The following PTCHD4 variants were observed in gnomAD, a reference collection of about 807,000 sequenced individuals.
PTCHD4 encodes the protein patched domain-containing protein 4.
PTCHD4 carries 33 observed loss-of-function variants against 58.1 expected under a neutral mutation model. That is an observed-to-expected ratio of 0.57 (90% CI 0.43 to 0.76). The LOEUF (loss-of-function observed/expected upper bound fraction) is 0.76, where lower values mean the gene tolerates loss of function less well. Among genes scored for constraint, PTCHD4 ranks in the 30% least tolerant of loss-of-function variants. The probability of loss-of-function intolerance (pLI) is 0.00; values close to 1 mark genes in which losing one functional copy is unlikely to be tolerated. For missense variants in PTCHD4, 1,058 were observed against 1,027.1 expected (o/e 1.03, Z -0.41); for synonymous variants, 478 against 409.6 (o/e 1.17, Z -2.02).
At chr6:48,110,043 G>C (rs1305022745) in intron 1 of PTCHD4, among the ~76,000 whole-genome samples, 5 of 152,084 alleles carry the variant, frequency 3.3e-5, no homozygotes, top group Non-Finnish European at 5.9e-5. Flanking sequence ...GTTTAACACA[G>C]CACGGAGGTT....
intron 4 of PTCHD4, among the ~76,000 whole-genome samples, chr6:47,885,267 AG>A (rs1032430892): frequency 5.9e-4 from 89 of 151,902 alleles, no homozygotes; most frequent in African/African-American, 2.1e-3. Context: ...AGAAATAATA[AG>A]GGGGTGTGTG....
chr6:48,013,560 G>A (rs931762357), intron 3 of PTCHD4, among the ~76,000 whole-genome samples: 4 of 151,780 alleles, frequency 2.6e-5, no homozygotes, highest in African/African-American at 7.3e-5. Context: ...GAAAGGAGGC[G>A]GGGATCTCAT....
chr6:47,960,717 G>A (rs1767051405), intron 4 of PTCHD4, among the ~76,000 whole-genome samples: 3 of 151,586 alleles, frequency 2.0e-5, no homozygotes. Flanking sequence ...CTAGTATTTA[G>A]AATTACTAAT....
Position 48,077,296 on chromosome 6 carries a change from C to T in PTCHD4, c.-969-7370G>A, listed in dbSNP as rs959881664. Among the ~76,000 whole-genome samples the T allele has an allele frequency of 3.9e-5, 6 of 152,248 alleles. No individual in the cohort carries two copies. The South Asian group carries it at 1.2e-3, about 31-fold the overall frequency. The stretch of plus-strand genomic sequence containing the variant: ...ATCTGCTCCTTATAAGAGAGTCCGC[C>T]TGTCCTTTGAAGCAGGACATTGACT... On this transcript the variant is annotated intron_variant, in intron 1 of 4. Transcript: ENST00000339488.
intron 1 of PTCHD4, among the ~76,000 whole-genome samples, chr6:48,079,614 T>C (rs1374816386): frequency 6.6e-6 from 1 of 150,598 alleles, no homozygotes; most frequent in Non-Finnish European, 1.5e-5. Flanking sequence ...ACAGAGAGAG[T>C]GTTCTAATCT....
chr6:47,905,062 C>CACACAT (rs1334932641), intron 4 of PTCHD4, among the ~76,000 whole-genome samples: 1 of 151,552 alleles, frequency 6.6e-6, no homozygotes, highest in Non-Finnish European at 1.5e-5. Context: ...CACACACACA[C>CACACAT]ACACACACAC....
At chr6:47,913,997 T>C (rs529506228) in intron 4 of PTCHD4, among the ~76,000 whole-genome samples, 2 of 152,172 alleles carry the variant, frequency 1.3e-5, no homozygotes, top group Admixed American at 1.3e-4. Context: ...AGTGTTAACA[T>C]AATAGTGATT....
intron 4 of PTCHD4, among the ~76,000 whole-genome samples, chr6:47,940,496 T>C (rs748881400): frequency 2.6e-5 from 4 of 152,178 alleles, no homozygotes; most frequent in Admixed American, 6.5e-5. Context: ...TTCCCCAGAG[T>C]CATTCAGCTG....
At chr6:48,104,207 T>C (rs1158550158) in intron 1 of PTCHD4, among the ~76,000 whole-genome samples, 1 of 152,150 alleles carries the variant, frequency 6.6e-6, no homozygotes, top group Non-Finnish European at 1.5e-5. Flanking sequence ...GAGAGAAAGG[T>C]CGGGTTACCC....
At chr6:48,073,920 T>G (rs549830787) in intron 1 of PTCHD4, among the ~76,000 whole-genome samples, 1 of 152,300 alleles carries the variant, frequency 6.6e-6, no homozygotes, top group African/African-American at 2.4e-5. Context: ...GGCAGCAAAC[T>G]CACCCTCTTT....
chr6:48,104,617 T>C (rs1439994466), intron 1 of PTCHD4, among the ~76,000 whole-genome samples: 1 of 152,202 alleles, frequency 6.6e-6, no homozygotes, highest in Non-Finnish European at 1.5e-5. Context: ...ACCTTAAATG[T>C]AAATGGGCTA....
rs750340989 is a variant in PTCHD4 at position 47,879,748 on chromosome 6, C to T, written c.1087G>A (p.Val363Ile). The T allele has an allele frequency of 1.9e-6, 3 of 1,613,648 alleles. No homozygotes were observed. The highest frequency in any genetic ancestry group is 3.3e-5 in the Admixed American group (2 of 59,936). Residue 363 changes from valine (V) to isoleucine (I), a missense_variant, in exon 5 of 5, where the codon GTC becomes ATC. By Grantham distance (29) the Val-to-Ile change is conservative (BLOSUM62 3). Transcript: ENST00000339488. ...GAGACACACATGTTTTGACAGAAGA[C>T]CTTCACAGCCTCTATGTTTGTGAAT... ...SPFTNIEAVK[V>I]FCQNMCVSIL...
intron 4 of PTCHD4, among the ~76,000 whole-genome samples, chr6:47,941,963 A>G (rs1337725298): frequency 6.6e-6 from 1 of 152,218 alleles, no homozygotes; most frequent in Non-Finnish European, 1.5e-5. Flanking sequence ...ACATTTCTGA[A>G]GTTGTGTTGA....
At chr6:47,993,699 A>G (rs1054726537) in intron 4 of PTCHD4, among the ~76,000 whole-genome samples, 3 of 152,152 alleles carry the variant, frequency 2.0e-5, no homozygotes, top group Non-Finnish European at 4.4e-5. Context: ...AGAATTAGGC[A>G]ATGAATTAAA....
At chr6:48,101,719 C>A (rs1394134392) in intron 1 of PTCHD4, among the ~76,000 whole-genome samples, 1 of 152,202 alleles carries the variant, frequency 6.6e-6, no homozygotes, top group Non-Finnish European at 1.5e-5. Context: ...ATCAAAGAAT[C>A]TAACCTTGAT....
chr6:47,945,343 G>C (rs972469910), intron 4 of PTCHD4, among the ~76,000 whole-genome samples: 1 of 151,950 alleles, frequency 6.6e-6, no homozygotes, highest in African/African-American at 2.4e-5. Context: ...TAACATACTT[G>C]TTTATTTTAG....
intron 4 of PTCHD4, among the ~76,000 whole-genome samples, chr6:47,885,874 G>C (rs1021578490): frequency 5.3e-5 from 8 of 151,968 alleles, no homozygotes; most frequent in African/African-American, 1.9e-4. Flanking sequence ...GCCATAGTGC[G>C]GTGGCGAGAT....
intron 1 of PTCHD4, among the ~76,000 whole-genome samples, chr6:48,101,305 G>C (rs1047914188): frequency 6.6e-6 from 1 of 152,152 alleles, no homozygotes; most frequent in African/African-American, 2.4e-5. Context: ...ATTTTATTAT[G>C]ACACAAAGTC....
intron 3 of PTCHD4, among the ~76,000 whole-genome samples, chr6:48,013,904 G>T (rs1183167605): frequency 6.6e-6 from 1 of 152,000 alleles, no homozygotes; most frequent in Non-Finnish European, 1.5e-5. Context: ...AATAAAAGAG[G>T]GTGCTGATAA....
Sources: allele counts gnomAD v4.1 joint callset (sites outside exome capture counted in the v4.1 genomes callset), GRCh38; gene constraint gnomAD v4.1.1; transcripts MANE v1.5; gene names NCBI Gene and HGNC (gene_info 2026-07-23, HGNC 2026-07-21).